CTDSP2: variants seen among roughly 807,000 people sequenced by gnomAD.
CTDSP2 encodes the protein carboxy-terminal domain RNA polymerase II polypeptide A small phosphatase 2.
A neutral mutation model predicts 31.6 loss-of-function variants in CTDSP2; 9 were observed. That is an observed-to-expected ratio of 0.28 (90% CI 0.17 to 0.50). The LOEUF is 0.50. Ranked by LOEUF, CTDSP2 falls within the 20% of genes least tolerant of loss-of-function variation. CTDSP2 has a pLI of 0.98. For missense variants in CTDSP2, 267 were observed against 348.5 expected, an observed-to-expected ratio of 0.77 and a Z score of 1.86; for synonymous variants, 134 against 134.5, an observed-to-expected ratio of 1.00 and a Z score of 0.03.
Position 57,829,488 on chromosome 12 carries a change from T to G in CTDSP2, c.173A>C (p.Glu58Ala), listed in dbSNP as rs1161964288. ...QHVGQSSSST[E>A]LAAYKEEANT... The stretch of plus-strand genomic sequence containing the variant: ...TGCTTCCTCCTTATACGCAGCGAGC[T>G]CAGTGGAGGAACTTGACTGGCCAAC... Residue 58 changes from glutamate to alanine, a missense_variant, in exon 2 of 8, where the codon GAG (glutamate) becomes GCG (alanine). Physicochemically the swap from Glu to Ala is moderately radical, Grantham distance 107. Around this residue, in one of 2 missense-constraint regions of CTDSP2, gnomAD observed 111 missense variants for 107.1 expected, o/e 1.04. Transcript: ENST00000398073. 1.2e-6 allele frequency: 2 copies of G among 1,614,134 alleles called. No individual in the cohort carries two copies. Among genetic ancestry groups the G allele is most frequent in the Non-Finnish European group, 8.5e-7 (1 of 1,180,024 alleles).
At chr12:57,845,119 T>C (rs570046275) in intron 1 of CTDSP2, among the ~76,000 whole-genome samples, 6 of 152,144 alleles carry the variant, frequency 3.9e-5, no homozygotes, top group South Asian at 2.1e-4. Flanking sequence ...TAGGCCTCAG[T>C]GTGTTCAACT....
chr12:57,845,583 T>C (rs966312835), intron 1 of CTDSP2: 3 of 152,164 alleles, frequency 2.0e-5, no homozygotes, highest in African/African-American at 7.2e-5. Flanking sequence ...CGGCGAATTA[T>C]GTAACCAGGG....
Position 57,824,059 on chromosome 12 carries a change from G to C in CTDSP2, c.535C>G (p.Arg179Gly). The change falls in exon 7 of 8, where the codon CGG becomes GGG. Residue 179 changes from arginine (R) to glycine (G), a missense_variant. By Grantham distance (125) the Arg-to-Gly change is moderately radical (BLOSUM62 -2). This residue lies in a region of CTDSP2 where 156 missense variants were observed against 241.3 expected (regional missense o/e 0.65). Coordinates refer to ENST00000398073, the MANE Select transcript of CTDSP2 (RefSeq NM_005730.4). ...AGGCGGGCCCGGAACACCCCACACC[G>C]GTCCAGCAGGTCTGTCACAGGGTCG... ...YADPVTDLLD[R>G]CGVFRARLFR... 1 of 1,613,932 alleles carries C rather than the reference G, an allele frequency of 6.2e-7. No homozygotes were observed. Among genetic ancestry groups the C allele is most frequent in the South Asian group, 1.1e-5 (1 of 91,072 alleles).
rs1183570940 is a variant in CTDSP2, at chr12:57,822,906, T to C, written c.*696A>G. ...CTCCTTCCCCACAGGTTTGAGACTA[T>C]GGCTAGGTGGTGAGGAAGGCAGGCT... On this transcript the variant is annotated 3_prime_UTR_variant, in exon 8 of 8. Transcript: ENST00000398073. 6.5e-6 allele frequency: 1 copy of C among 152,756 alleles called. No homozygotes were observed. Among genetic ancestry groups the C allele is most frequent in the African/African-American group, 2.4e-5 (1 of 41,470 alleles). The allele number at this position is 152,756 out of a possible 1,614,324, so 9.5% of individuals were successfully genotyped here.
At chr12:57,828,333 C>T (rs770647035) in intron 2 of CTDSP2, among the ~76,000 whole-genome samples, 3 of 151,696 alleles carry the variant, frequency 2.0e-5, no homozygotes, top group South Asian at 2.1e-4. Flanking sequence ...GCAGGAGAAT[C>T]GCTTGAACCC....
At position 57,821,637 on chromosome 12, in the gene CTDSP2, C is replaced by G. The variant is rs1397013303; in HGVS notation, c.*1965G>C. On this transcript the variant is annotated 3_prime_UTR_variant, in exon 8 of 8. Transcript: ENST00000398073. ...CCTAGGTCAGGCCTTGGGTCCGAAG[C>G]CACAGCTGGCTCTAAGAGTCTGAGC... 1.3e-5 allele frequency: 2 copies of G among 152,258 alleles called. No individual in the cohort carries two copies. The highest frequency in any genetic ancestry group is 2.9e-5 in the Non-Finnish European group (2 of 68,070). 9.4% of individuals were successfully genotyped at this position (152,258 alleles called of 1,614,324 possible). A position where few individuals can be genotyped will look rare whatever the true frequency, so the allele number is the denominator to read the frequency against.
At chr12:57,831,138 AG>A (rs1399298404) in intron 1 of CTDSP2, among the ~76,000 whole-genome samples, 3 of 150,420 alleles carry the variant, frequency 2.0e-5, no homozygotes, top group Admixed American at 6.6e-5. Flanking sequence ...TGAGCATTAC[AG>A]GATCAACTAG....
At chr12:57,830,519 T>C (rs1440500475) in intron 1 of CTDSP2, among the ~76,000 whole-genome samples, 5 of 152,110 alleles carry the variant, frequency 3.3e-5, no homozygotes, top group African/African-American at 1.2e-4. Flanking sequence ...AAACTACACT[T>C]TTTGTTCACA....
Position 57,823,969 on chromosome 12 carries a change from C to T in CTDSP2, c.625G>A (p.Asp209Asn), listed in dbSNP as rs1218267542. The change falls in exon 7 of 8, where the codon GAC becomes AAC. Residue 209 changes from aspartate (D) to asparagine (N), a missense_variant. Asp to Asn is a conservative substitution (Grantham distance 23). Transcript: ENST00000398073. Reference protein sequence around the residue: ...YVKDLSRLGRDLRKTLILDNS... With the variant: ...YVKDLSRLGRNLRKTLILDNS... The stretch of plus-strand genomic sequence containing the variant: ...TCCAGGATGAGGGTCTTTCTCAGGT[C>T]CCTCCCCAGGCGGCTGAGGTCCTTG... The T allele has an allele frequency of 6.2e-7, 1 of 1,614,122 alleles. No homozygotes were observed. Among genetic ancestry groups the T allele is most frequent in the Non-Finnish European group, 8.5e-7 (1 of 1,180,022 alleles).
chr12:57,845,074 G>A (rs1956306163), intron 1 of CTDSP2, among the ~76,000 whole-genome samples: 1 of 152,172 alleles, frequency 6.6e-6, no homozygotes, highest in African/African-American at 2.4e-5. Flanking sequence ...GACGTGGGGC[G>A]CACGAGGCCC....
chr12:57,824,758 A>G (rs954263752), intron 5 of CTDSP2: 1 of 503,634 alleles, frequency 2.0e-6, no homozygotes, highest in Non-Finnish European at 4.1e-6. Context: ...TAGGTAATGA[A>G]TTGCACCAGG....
At chr12:57,834,430 A>G (rs1470556630) in intron 1 of CTDSP2, among the ~76,000 whole-genome samples, 1 of 152,140 alleles carries the variant, frequency 6.6e-6, no homozygotes, top group African/African-American at 2.4e-5. Flanking sequence ...GAAGGGGTAA[A>G]ACAGCACAAG....
chr12:57,827,697 C>T, intron 2 of CTDSP2, 107 bp from the exon 3 acceptor site: 1 of 1,089,438 alleles, frequency 9.2e-7, no homozygotes. Flanking sequence ...CCCCCAGACC[C>T]AGCCACCTGG....
At position 57,827,548 on chromosome 12, in the gene CTDSP2, G is replaced by A. The variant is rs763837377; in HGVS notation, c.252+4C>T. ...TGAGTACTTACCAGGCCAGAGTCAC[G>A]TACCTGGTAGAACTGGTACTGGAGA... On this transcript the variant is annotated splice_donor_region_variant and intron_variant, in intron 3 of 7. Coordinates refer to ENST00000398073, the MANE Select transcript of CTDSP2 (RefSeq NM_005730.4). 9.3e-6 allele frequency: 15 copies of A among 1,613,818 alleles called. No homozygotes were observed. The highest frequency in any genetic ancestry group is 4.0e-5 in the African/African-American group (3 of 74,908).
At chr12:57,831,368 G>A (rs537622781) in intron 1 of CTDSP2, among the ~76,000 whole-genome samples, 1 of 152,172 alleles carries the variant, frequency 6.6e-6, no homozygotes, top group African/African-American at 2.4e-5. Flanking sequence ...CAGGAGAACT[G>A]CTTGAACCCA....
In CTDSP2 at chr12:57,822,763, CTG is replaced by C. The variant is rs902998053; in HGVS notation, c.*837_*838del. The C allele has an allele frequency of 2.0e-5, 3 of 152,340 alleles. No homozygotes were observed. The highest frequency in any genetic ancestry group is 2.9e-5 in the Non-Finnish European group (2 of 68,070). The allele number at this position is 152,340 out of a possible 1,614,324, so 9.4% of individuals were successfully genotyped here. A position where few individuals can be genotyped will look rare whatever the true frequency, so the allele number is the denominator to read the frequency against. On this transcript the variant is annotated 3_prime_UTR_variant, in exon 8 of 8. Transcript: ENST00000398073. Reference sequence around the variant, plus strand: ...GCCGACATTCATTACAGGCCCAGGACTGTAACTTTGTCAGAAACAAACCAGGC... The same window carrying C: ...GCCGACATTCATTACAGGCCCAGGACTAACTTTGTCAGAAACAAACCAGGC...
At position 57,823,580 on chromosome 12, in the gene CTDSP2, C is replaced by T. The variant is rs200305138; in HGVS notation, c.*22G>A. ...TGGGAAAGTCCCCTACTGGGATGGC[C>T]GTCGCTTGGAAGCAGGGCAGGCTAA... On this transcript the variant is annotated 3_prime_UTR_variant, in exon 8 of 8. Transcript: ENST00000398073. 1,290 of 1,612,486 alleles carry T rather than the reference C, an allele frequency of 8.0e-4. No homozygotes were observed. Among genetic ancestry groups the T allele is most frequent in the Admixed American group, 1.1e-3 (64 of 59,896 alleles).
chr12:57,838,035 C>T (rs981299495), intron 1 of CTDSP2, among the ~76,000 whole-genome samples: 6 of 152,182 alleles, frequency 3.9e-5, no homozygotes, highest in African/African-American at 1.4e-4. Flanking sequence ...AGTTCTAAAG[C>T]ACGCTGATTT....
chr12:57,832,820 G>GAAAAGA (rs1467274091), intron 1 of CTDSP2, among the ~76,000 whole-genome samples: 2 of 109,912 alleles, frequency 1.8e-5, no homozygotes, highest in South Asian at 3.6e-4. Flanking sequence ...AAAAAAAAAG[G>GAAAAGA]AAAAGAAAAA....
Sources: allele counts gnomAD v4.1 joint callset (sites outside exome capture counted in the v4.1 genomes callset), GRCh38; gene constraint gnomAD v4.1.1; regional missense constraint gnomAD v4.1.1; transcripts MANE v1.5; gene names NCBI Gene and HGNC (gene_info 2026-07-23, HGNC 2026-07-21).